CNTN1: variants seen among roughly 807,000 people sequenced by gnomAD.
The protein encoded by CNTN1 is contactin-1.
A neutral mutation model predicts 126.4 loss-of-function variants in CNTN1; 38 were observed. The ratio of observed to expected loss-of-function variants is 0.30; its 90% CI spans 0.23 to 0.39. CNTN1 has a LOEUF of 0.39. Ranked by LOEUF, CNTN1 falls within the 10% of genes least tolerant of loss-of-function variation. The pLI, the probability that CNTN1 is intolerant of heterozygous loss-of-function variation, is 1.00. For synonymous variants in CNTN1, 413 were observed against 422.6 expected (o/e 0.98, Z 0.28); for missense variants, 1,009 against 1,248.4 (o/e 0.81, Z 2.89).
intron 1 of CNTN1, among the ~76,000 whole-genome samples, chr12:40,741,038 G>A (rs1412080615): frequency 1.3e-5 from 2 of 151,940 alleles, no homozygotes; most frequent in Non-Finnish European, 2.9e-5. Flanking sequence ...CTCACTGCCT[G>A]GAACTTTTAC....
At chr12:40,796,415 A>G (rs1374325344) in intron 1 of CNTN1, among the ~76,000 whole-genome samples, 2 of 152,062 alleles carry the variant, frequency 1.3e-5, no homozygotes, top group Non-Finnish European at 2.9e-5. Context: ...GCTTCCTAGA[A>G]AAGCAAACTT....
At chr12:40,960,829 T>C (rs1458858873) in intron 15 of CNTN1, among the ~76,000 whole-genome samples, 4 of 152,108 alleles carry the variant, frequency 2.6e-5, no homozygotes, top group Non-Finnish European at 4.4e-5. Context: ...TTAAGTCATT[T>C]CCAGAAGTAG....
intron 1 of CNTN1, among the ~76,000 whole-genome samples, chr12:40,860,037 T>C (rs1474936664): frequency 1.3e-5 from 2 of 152,156 alleles, no homozygotes; most frequent in Non-Finnish European, 2.9e-5. Context: ...ACATTTGAAG[T>C]CTTCACCTGT....
chr12:40,806,452 C>A (rs897677496), intron 1 of CNTN1, among the ~76,000 whole-genome samples: 4 of 152,058 alleles, frequency 2.6e-5, no homozygotes, highest in African/African-American at 7.2e-5. Context: ...CCGCTAATGT[C>A]ATAAAGTGTT....
chr12:41,014,781 A>G (rs1034815109), intron 18 of CNTN1, among the ~76,000 whole-genome samples: 2 of 152,192 alleles, frequency 1.3e-5, no homozygotes, highest in South Asian at 2.1e-4. Flanking sequence ...TGAGGTATCC[A>G]AAGCATTTTA....
intron 17 of CNTN1, among the ~76,000 whole-genome samples, chr12:40,997,210 G>A (rs929098548): frequency 6.6e-6 from 1 of 152,192 alleles, no homozygotes; most frequent in Non-Finnish European, 1.5e-5. Context: ...GAAATAATGT[G>A]TCATTGTAAG....
At position 40,865,664 on chromosome 12, in the gene CNTN1, T is replaced by C. The variant is rs550654395; in HGVS notation, c.-76-42693T>C. ...TAAAGGCTTATTTCCATACTCTGAA[T>C]TCTGTCCTATTGATCTATATGTCTA... On this transcript the variant is annotated intron_variant, in intron 1 of 23. Coordinates refer to ENST00000551295, the MANE Select transcript of CNTN1 (RefSeq NM_001843.4). Among the ~76,000 whole-genome samples the C allele has an allele frequency of 3.3e-5, 5 of 152,216 alleles. No individual in the cohort carries two copies. The East Asian group carries it at 9.6e-4, about 29-fold the overall frequency.
intron 1 of CNTN1, among the ~76,000 whole-genome samples, chr12:40,782,713 A>C (rs1232166920): frequency 6.6e-6 from 1 of 152,016 alleles, no homozygotes; most frequent in African/African-American, 2.4e-5. Flanking sequence ...TTCCAGCTTC[A>C]TAACTGATCC....
At chr12:40,832,449 C>T (rs570906621) in intron 1 of CNTN1, among the ~76,000 whole-genome samples, 2 of 152,190 alleles carry the variant, frequency 1.3e-5, no homozygotes, top group East Asian at 1.9e-4. Flanking sequence ...GTATTCAGTA[C>T]GGTAACATGC....
At chr12:40,982,600 C>G (rs1394934287) in intron 16 of CNTN1, among the ~76,000 whole-genome samples, 2 of 151,994 alleles carry the variant, frequency 1.3e-5, no homozygotes, top group African/African-American at 4.8e-5. Flanking sequence ...ATATCAGGGC[C>G]CACAGTGCTC....
chr12:40,968,022 C>A (rs1346835676), intron 15 of CNTN1, among the ~76,000 whole-genome samples: 1 of 150,136 alleles, frequency 6.7e-6, no homozygotes, highest in African/African-American at 2.5e-5. Context: ...ACATTGTTTA[C>A]CAGATTTAAT....
At chr12:40,812,115 T>C (rs1329299174) in intron 1 of CNTN1, among the ~76,000 whole-genome samples, 2 of 152,100 alleles carry the variant, frequency 1.3e-5, no homozygotes, top group African/African-American at 4.8e-5. Context: ...TCTTAAGATA[T>C]TTTCAAAGTT....
chr12:40,874,100 C>A (rs897919957), intron 1 of CNTN1, among the ~76,000 whole-genome samples: 2 of 152,054 alleles, frequency 1.3e-5, no homozygotes, highest in African/African-American at 2.4e-5. Context: ...GGGTTCAAAT[C>A]CCAGCTCTAC....
At chr12:40,737,274 A>G (rs769776192) in intron 1 of CNTN1, among the ~76,000 whole-genome samples, 28 of 86,956 alleles carry the variant, frequency 3.2e-4, no homozygotes, top group Non-Finnish European at 4.2e-4. Flanking sequence ...GACAGAACTA[A>G]TAGGATATAT....
At chr12:41,028,048 T>C (rs529737319) in intron 22 of CNTN1, 79 bp downstream of exon 22, 415 of 1,060,656 alleles carry the variant, frequency 3.9e-4, no homozygotes, top group Non-Finnish European at 5.8e-4. Flanking sequence ...TTTTCTTTTT[T>C]TGAGATGGAA....
rs113973963 is a variant in CNTN1, at chr12:40,872,350, T to C, written c.-76-36007T>C. 4.1e-3 allele frequency among the ~76,000 whole-genome samples: 627 copies of C among 151,724 alleles called. 3 individuals carry two copies. Among genetic ancestry groups the C allele is most frequent in the African/African-American group, 0.014 (599 of 41,342 alleles). On this transcript the variant is annotated intron_variant, in intron 1 of 23. Transcript: ENST00000551295. The stretch of plus-strand genomic sequence containing the variant: ...AGTTATGTCAAGTGTAACAAATCAA[T>C]ATCAAGTATCAAAATCATTAAATGA...
chr12:41,065,717 G>A (rs373684637), intron 23 of CNTN1, among the ~76,000 whole-genome samples: 2 of 152,208 alleles, frequency 1.3e-5, no homozygotes, highest in East Asian at 3.9e-4. Context: ...GACAAGAAGA[G>A]CAGAGCTGGG....
chr12:40,968,883 T>C (rs1566060138), intron 15 of CNTN1, among the ~76,000 whole-genome samples: 1 of 152,192 alleles, frequency 6.6e-6, no homozygotes, highest in Non-Finnish European at 1.5e-5. Flanking sequence ...TTTTGTATTG[T>C]GCATCTCTAT....
intron 1 of CNTN1, among the ~76,000 whole-genome samples, chr12:40,806,981 G>A (rs1940884022): frequency 6.6e-6 from 1 of 152,052 alleles, no homozygotes; most frequent in Admixed American, 6.6e-5. Flanking sequence ...CCTAAATGAA[G>A]GCTAGTTATA....
Sources: gnomAD v4.1 joint callset for allele counts (sites outside exome capture counted in the v4.1 genomes callset) on GRCh38, gnomAD v4.1.1 for gene constraint, MANE v1.5 for transcripts, NCBI Gene and HGNC (gene_info 2026-07-23, HGNC 2026-07-21) for gene names.